CLEC16A: variants seen among roughly 807,000 people sequenced by gnomAD.
CLEC16A encodes protein CLEC16A.
CLEC16A carries 51 observed loss-of-function variants against 109.5 expected under a neutral mutation model. That is an observed-to-expected ratio of 0.47 (90% CI 0.37 to 0.59). The LOEUF is 0.59. Among genes scored for constraint, CLEC16A ranks in the 20% least tolerant of loss-of-function variants. The pLI, the probability that CLEC16A is intolerant of heterozygous loss-of-function variation, is 0.00. For missense variants in CLEC16A, 1,339 were observed against 1,394.0 expected, an observed-to-expected ratio of 0.96 and a Z score of 0.63; for synonymous variants, 673 against 564.2, an observed-to-expected ratio of 1.19 and a Z score of -2.73.
chr16:10,954,164 A>G lies in CLEC16A; in HGVS notation c.81-3618A>G, dbSNP rs117618610. Among the ~76,000 whole-genome samples the G allele has an allele frequency of 1.3e-4, 20 of 152,306 alleles. No individual in the cohort carries two copies. The highest frequency in any genetic ancestry group is 2.8e-4 in the Non-Finnish European group (19 of 68,030). On this transcript the variant is annotated intron_variant, in intron 1 of 23. Transcript: ENST00000409790. The surrounding 1 kb of genome is among the most constrained non-coding windows in gnomAD (Gnocchi z 4.2). ...AAGAACACCAAGTATTGAGAGGCCA[A>G]GAAACAAATGGAGTTCTCAGACCTT...
intron 22 of CLEC16A, among the ~76,000 whole-genome samples, chr16:11,132,090 A>T (rs867784263): frequency 1.3e-5 from 2 of 152,202 alleles, no homozygotes; most frequent in Non-Finnish European, 2.9e-5. Flanking sequence ...TTAACACAAC[A>T]TAAAACTAAC....
rs186946115 is a variant in CLEC16A, at chr16:10,978,570, C to A, written c.904-759C>A. Among the ~76,000 whole-genome samples the A allele has an allele frequency of 8.4e-4, 128 of 152,350 alleles. 1 individual carries two copies. Among genetic ancestry groups the A allele is most frequent in the African/African-American group, 3.0e-3 (123 of 41,576 alleles). ...TACAGGCATGAGCCACCGTGCCCAG[C>A]CAGGACTGAGGCTTTGAGCCGGAGG... On this transcript the variant is annotated intron_variant, in intron 8 of 23. Transcript: ENST00000409790.
In CLEC16A at chr16:11,039,777, C is replaced by T. The variant is rs781624773; in HGVS notation, c.1561C>T (p.Arg521Ter). ...NKGMDPEKLE[R>*]IQLPVPNAAE... ...AGGCATGGATCCTGAAAAATTAGAG[C>T]GAATCCAGCTCCCCGTGCCAAATGC... Residue 521 changes from arginine to a stop codon, truncating the protein, a stop_gained, in exon 14 of 24, where the codon CGA (arginine) becomes TGA (stop). Transcript: ENST00000409790. LOFTEE classifies it high-confidence loss of function. 3.1e-6 allele frequency: 5 copies of T among 1,603,332 alleles called. No individual in the cohort carries two copies. The highest frequency in any genetic ancestry group is 3.4e-6 in the Non-Finnish European group (4 of 1,175,024).
chr16:11,005,041 A>AT (rs1216089982), intron 11 of CLEC16A, among the ~76,000 whole-genome samples: 2 of 152,180 alleles, frequency 1.3e-5, no homozygotes, highest in African/African-American at 2.4e-5. Context: ...AGAAATGGAC[A>AT]TCTTCACCTC....
At chr16:10,956,969 G>T (rs983653286) in intron 1 of CLEC16A, among the ~76,000 whole-genome samples, 3 of 152,058 alleles carry the variant, frequency 2.0e-5, no homozygotes, top group Admixed American at 1.3e-4. Flanking sequence ...GCTAATGTTT[G>T]TATTTTTAGT....
intron 13 of CLEC16A, among the ~76,000 whole-genome samples, chr16:11,036,787 G>A (rs538492351): frequency 6.6e-6 from 1 of 152,076 alleles, no homozygotes; most frequent in Non-Finnish European, 1.5e-5. Context: ...GACCTCAGGC[G>A]ATCTGCCCAC....
At chr16:11,030,508 T>G (rs1049373882) in intron 13 of CLEC16A, among the ~76,000 whole-genome samples, 7 of 152,234 alleles carry the variant, frequency 4.6e-5, no homozygotes, top group African/African-American at 1.7e-4. Flanking sequence ...TGCATATCCC[T>G]AATGACATTG....
At chr16:11,006,307 C>T (rs1014578468) in intron 11 of CLEC16A, among the ~76,000 whole-genome samples, 24 of 152,156 alleles carry the variant, frequency 1.6e-4, no homozygotes, top group African/African-American at 5.6e-4. Flanking sequence ...AAATGAGATG[C>T]GTTTATCAGA....
chr16:10,950,340 C>T (rs532303827), intron 1 of CLEC16A, among the ~76,000 whole-genome samples: 224 of 152,308 alleles, frequency 1.5e-3, no homozygotes, highest in African/African-American at 5.1e-3. Flanking sequence ...AAATATTTGT[C>T]ACAGGATGAA....
chr16:11,048,737 C>G (rs1448007381), intron 17 of CLEC16A, among the ~76,000 whole-genome samples: 2 of 152,192 alleles, frequency 1.3e-5, no homozygotes, highest in Non-Finnish European at 2.9e-5. Flanking sequence ...AGCCCCTCAT[C>G]ATTCCTCCAG....
At chr16:11,053,345 T>G (rs2048046764) in intron 18 of CLEC16A, among the ~76,000 whole-genome samples, 1 of 152,146 alleles carries the variant, frequency 6.6e-6, no homozygotes, top group Non-Finnish European at 1.5e-5. Flanking sequence ...ATTGGCACTA[T>G]TATTATCCCC....
chr16:11,178,364 C>G lies in CLEC16A; in HGVS notation c.2836C>G (p.Pro946Ala), dbSNP rs746907038. 6.2e-7 allele frequency: 1 copy of G among 1,613,280 alleles called. No individual in the cohort carries two copies. Among genetic ancestry groups the G allele is most frequent in the African/African-American group, 1.3e-5 (1 of 74,916 alleles). The change falls in exon 24 of 24, where the codon CCT becomes GCT. Residue 946 changes from proline (P) to alanine (A), a missense_variant. Around this residue, in one of 3 missense-constraint regions of CLEC16A, gnomAD observed 1,061 missense variants for 1,006.8 expected, o/e 1.05. Coordinates refer to ENST00000409790, the MANE Select transcript of CLEC16A (RefSeq NM_015226.3). The surrounding 1 kb of genome is among the most constrained non-coding windows in gnomAD (Gnocchi z 6.5). ...CCCCATGAGTCCAGAACTGCCTAAG[C>G]CTCACCTTCCTGACCAGTTGGTAAT... ...DAPMSPELPK[P>A]HLPDQLVIVN... is the part of the protein sequence containing the mutation.
At chr16:10,985,895 G>A (rs891714324) in intron 10 of CLEC16A, among the ~76,000 whole-genome samples, 10 of 150,846 alleles carry the variant, frequency 6.6e-5, no homozygotes, top group Non-Finnish European at 1.2e-4. Flanking sequence ...TAGTAGAAAT[G>A]GGCTTTCACC....
At chr16:11,077,104 G>T (rs887515986) in intron 19 of CLEC16A, among the ~76,000 whole-genome samples, 2 of 152,190 alleles carry the variant, frequency 1.3e-5, no homozygotes, top group African/African-American at 4.8e-5. Context: ...CAGGACTTTG[G>T]GAGGCTGAGG....
At chr16:11,103,440 C>T (rs936790314) in intron 19 of CLEC16A, among the ~76,000 whole-genome samples, 3 of 152,088 alleles carry the variant, frequency 2.0e-5, no homozygotes, top group East Asian at 3.9e-4. Flanking sequence ...ATTAGCCAGG[C>T]GTGGTGGCGC....
At chr16:11,007,756 A>G (rs1354404620) in intron 11 of CLEC16A, among the ~76,000 whole-genome samples, 1 of 152,014 alleles carries the variant, frequency 6.6e-6, no homozygotes, top group Non-Finnish European at 1.5e-5. Context: ...ACAGCTAGTA[A>G]GTGAGCTTAG....
Position 11,182,103 on chromosome 16 carries a change from G to T in CLEC16A, c.*3413G>T, listed in dbSNP as rs1730330587. On this transcript the variant is annotated 3_prime_UTR_variant, in exon 24 of 24. Transcript: ENST00000409790. ...TCGCCAGCATGACTCATGCTTCGTG[G>T]GTACTGAACACGAGGGTGGAAATGA... 6.6e-6 allele frequency: 1 copy of T among 152,286 alleles called. No individual in the cohort carries two copies. The highest frequency in any genetic ancestry group is 1.5e-5 in the Non-Finnish European group (1 of 68,042). 9.4% of individuals were successfully genotyped at this position (152,286 alleles called of 1,614,324 possible).
At chr16:11,013,104 T>C (rs146794312) in intron 11 of CLEC16A, among the ~76,000 whole-genome samples, 1 of 152,136 alleles carries the variant, frequency 6.6e-6, no homozygotes, top group East Asian at 1.9e-4. Context: ...AACCAGAATA[T>C]GTGGCAAAAA....
chr16:10,983,567 A>G (rs897266101), intron 10 of CLEC16A, among the ~76,000 whole-genome samples: 1 of 152,182 alleles, frequency 6.6e-6, no homozygotes, highest in Non-Finnish European at 1.5e-5. Flanking sequence ...ACTAAGTAGC[A>G]TGTTTGTGGT....
Sources: gnomAD v4.1 joint callset for allele counts (sites outside exome capture counted in the v4.1 genomes callset) on GRCh38, gnomAD v4.1.1 for gene constraint, gnomAD v4.1.1 regional missense constraint, Gnocchi (gnomAD v3.1) non-coding constraint, MANE v1.5 for transcripts, NCBI Gene and HGNC (gene_info 2026-07-23, HGNC 2026-07-21) for gene names.